GATA4: variants seen among roughly 807,000 people sequenced by gnomAD.
GATA4 encodes transcription factor GATA-4.
GATA4 carries 7 observed loss-of-function variants against 37.9 expected under a neutral mutation model. That is an observed-to-expected ratio of 0.18 (90% CI 0.11 to 0.35). The LOEUF (loss-of-function observed/expected upper bound fraction) is 0.35, where lower values mean the gene tolerates loss of function less well. GATA4 is among the 10% of genes least tolerant of loss of function. The pLI, the probability that GATA4 is intolerant of heterozygous loss-of-function variation, is 1.00. For missense variants in GATA4, 647 were observed against 653.0 expected (o/e 0.99, Z 0.10); for synonymous variants, 372 against 292.6 (o/e 1.27, Z -2.77).
At chr8:11,687,555 C>T (rs1198690009) in intron 1 of GATA4, among the ~76,000 whole-genome samples, 8 of 152,112 alleles carry the variant, frequency 5.3e-5, no homozygotes, top group Admixed American at 5.2e-4. Context: ...CACATTTGAA[C>T]CTCACAGCAA....
intron 2 of GATA4, among the ~76,000 whole-genome samples, chr8:11,744,245 A>G (rs1801919212): frequency 6.6e-6 from 1 of 152,226 alleles, no homozygotes; most frequent in Non-Finnish European, 1.5e-5. Flanking sequence ...TGACCCCTCC[A>G]ACTTCAGCCT....
intron 2 of GATA4, among the ~76,000 whole-genome samples, chr8:11,739,880 C>G (rs1329759024): frequency 6.6e-6 from 1 of 152,182 alleles, no homozygotes; most frequent in Non-Finnish European, 1.5e-5. Context: ...ATAGCCCAGA[C>G]CCAGCTTGCA....
chr8:11,681,932 C>A (rs1285324184), intron 1 of GATA4, among the ~76,000 whole-genome samples: 2 of 152,182 alleles, frequency 1.3e-5, no homozygotes, highest in African/African-American at 2.4e-5. Context: ...AATCTGAGAT[C>A]CTTGCCCCTC....
chr8:11,720,683 T>C (rs1202691466), intron 2 of GATA4, among the ~76,000 whole-genome samples: 1 of 152,212 alleles, frequency 6.6e-6, no homozygotes, highest in Non-Finnish European at 1.5e-5. Context: ...CTCCCACTTA[T>C]ATGTGAGAAC....
chr8:11,742,584 G>A (rs950353565), intron 2 of GATA4, among the ~76,000 whole-genome samples: 10 of 152,178 alleles, frequency 6.6e-5, no homozygotes, highest in African/African-American at 1.4e-4. Flanking sequence ...ACTGGTAACC[G>A]CCTCTGTTCA....
At chr8:11,752,435 A>G (rs150543474) in intron 4 of GATA4, among the ~76,000 whole-genome samples, 2,187 of 152,356 alleles carry the variant, frequency 0.014, 21 homozygotes, top group South Asian at 0.025. Context: ...AGAGAGAATG[A>G]GAGCCAAGCA....
At chr8:11,714,340 G>A (rs897786124) in intron 2 of GATA4, among the ~76,000 whole-genome samples, 1 of 152,196 alleles carries the variant, frequency 6.6e-6, no homozygotes, top group Non-Finnish European at 1.5e-5. Flanking sequence ...TGGAGTGGGG[G>A]CATTCAAGGT....
chr8:11,679,312 C>T (rs1357164119), intron 1 of GATA4, among the ~76,000 whole-genome samples: 1 of 131,980 alleles, frequency 7.6e-6, no homozygotes, highest in Non-Finnish European at 1.6e-5. Context: ...TTCTCAGACT[C>T]GGGGATGGGG....
At chr8:11,706,680 G>A (rs894627226) in intron 1 of GATA4, among the ~76,000 whole-genome samples, 11 of 152,208 alleles carry the variant, frequency 7.2e-5, no homozygotes, top group African/African-American at 2.4e-4. Context: ...TTTGTCGGGA[G>A]TAGTTGCCTC....
intron 2 of GATA4, among the ~76,000 whole-genome samples, chr8:11,711,874 C>G (rs1008532382): frequency 6.6e-6 from 1 of 152,052 alleles, no homozygotes; most frequent in Non-Finnish European, 1.5e-5. Context: ...AGTAGCTGAC[C>G]CTGAGTCATG....
chr8:11,678,513 C>G (rs538153521), intron 1 of GATA4, among the ~76,000 whole-genome samples: 1 of 152,042 alleles, frequency 6.6e-6, no homozygotes, highest in Non-Finnish European at 1.5e-5. Context: ...TGTACGCTGT[C>G]CAAAAATAAG....
intron 1 of GATA4, among the ~76,000 whole-genome samples, chr8:11,696,705 TCCCTG>T (rs1799518932): frequency 6.6e-6 from 1 of 152,206 alleles, no homozygotes; most frequent in South Asian, 2.1e-4. Context: ...GACGTCACAA[TCCCTG>T]ACAAAAAGTG....
chr8:11,693,735 C>G (rs970814239), intron 1 of GATA4, among the ~76,000 whole-genome samples: 4 of 152,152 alleles, frequency 2.6e-5, no homozygotes, highest in Admixed American at 1.3e-4. Context: ...GCCCTACCCC[C>G]ACTCCCAGCC....
intron 1 of GATA4, among the ~76,000 whole-genome samples, chr8:11,680,209 C>G (rs1452140576): frequency 1.3e-5 from 2 of 152,320 alleles, no homozygotes; most frequent in Middle Eastern, 3.4e-3. Context: ...CCGGAATGTC[C>G]CGACCCCCGG....
At chr8:11,726,575 C>A (rs538294923) in intron 2 of GATA4, among the ~76,000 whole-genome samples, 7 of 152,202 alleles carry the variant, frequency 4.6e-5, no homozygotes, top group African/African-American at 1.7e-4. Context: ...GTGGGATACT[C>A]CAGTCTCTGT....
chr8:11,718,539 A>T (rs192102973), intron 2 of GATA4, among the ~76,000 whole-genome samples: 10 of 152,334 alleles, frequency 6.6e-5, no homozygotes, highest in African/African-American at 2.4e-4. Flanking sequence ...ATTTTGGAGG[A>T]TAAAAAATCA....
chr8:11,727,011 C>A (rs1372369597), intron 2 of GATA4, among the ~76,000 whole-genome samples: 1 of 151,948 alleles, frequency 6.6e-6, no homozygotes, highest in Non-Finnish European at 1.5e-5. Context: ...TCTCCATGAT[C>A]CTTCCTGGAG....
At chr8:11,695,041 G>T (rs548156306) in intron 1 of GATA4, among the ~76,000 whole-genome samples, 1 of 152,296 alleles carries the variant, frequency 6.6e-6, no homozygotes, top group African/African-American at 2.4e-5. Context: ...GCTACCTTGC[G>T]CCCTGATGGT....
rs577016171 is a variant in GATA4, at chr8:11,685,000, G to A, written c.-274+7937G>A. On this transcript the variant is annotated intron_variant, in intron 1 of 6. Coordinates refer to the GATA4 transcript ENST00000528712. ...TCATATTCTTTGACCCACTTTTTCT[G>A]GTAATAGAAATTTACCCTCAGGAAA... is the stretch of plus-strand genomic sequence containing the variant. Among the ~76,000 whole-genome samples, 8 of 152,118 alleles carry A rather than the reference G, an allele frequency of 5.3e-5. No individual in the cohort carries two copies. The South Asian group carries it at 1.2e-3, about 24-fold the overall frequency.
Sources: allele counts gnomAD v4.1 joint callset (sites outside exome capture counted in the v4.1 genomes callset), GRCh38; gene constraint gnomAD v4.1.1; transcripts MANE v1.5; gene names NCBI Gene and HGNC (gene_info 2026-07-23, HGNC 2026-07-21).